Variants in LMBRD1 observed in about 807,000 individuals in gnomAD.
The protein encoded by LMBRD1 is LMBR1 domain containing 1, also known as lysosomal cobalamin transport escort protein LMBD1.
Under a neutral mutation model 74.8 loss-of-function variants are expected in LMBRD1, and 64 were observed. That is an observed-to-expected ratio of 0.86 (90% CI 0.70 to 1.05). The LOEUF (loss-of-function observed/expected upper bound fraction) is 1.05. Among genes scored for constraint, LMBRD1 ranks in the 50% least tolerant of loss-of-function variants. The pLI is 0.00. For missense variants in LMBRD1, 652 were observed against 645.9 expected (o/e 1.01, Z -0.10); for synonymous variants, 204 against 216.3 (o/e 0.94, Z 0.50).
At position 69,777,640 on chromosome 6, in the gene LMBRD1, C is replaced by T. The variant is rs557098721; in HGVS notation, c.307+2854G>A. On this transcript the variant is annotated intron_variant, in intron 3 of 15. Coordinates refer to ENST00000649934, the MANE Select transcript of LMBRD1 (RefSeq NM_018368.4). The stretch of plus-strand genomic sequence containing the variant: ...TTACTGACAAACTGATCTTCAACAT[C>T]TCTCCACATCAATATCTTCATCTGT... 9.2e-5 allele frequency among the ~76,000 whole-genome samples: 14 copies of T among 151,498 alleles called. No individual in the cohort carries two copies. The South Asian group carries it at 2.7e-3, about 29-fold the overall frequency.
At chr6:69,718,086 A>G (rs1766530812) in intron 8 of LMBRD1, among the ~76,000 whole-genome samples, 1 of 152,078 alleles carries the variant, frequency 6.6e-6, no homozygotes, top group South Asian at 2.1e-4. Context: ...TATCAGAATC[A>G]TACTAGCTTA....
At chr6:69,676,426 C>A in intron 15 of LMBRD1, 24 bp downstream of exon 15, 1 of 1,601,938 alleles carries the variant, frequency 6.2e-7, no homozygotes, top group South Asian at 1.1e-5. Context: ...AAGGTCAAAT[C>A]ACGCGTGGGA....
At chr6:69,793,811 C>T (rs1766146768) in intron 1 of LMBRD1, among the ~76,000 whole-genome samples, 1 of 151,388 alleles carries the variant, frequency 6.6e-6, no homozygotes, top group Non-Finnish European at 1.5e-5. Flanking sequence ...AAACCACCTC[C>T]TGGGCTCAAG....
intron 12 of LMBRD1, 65 bp downstream of exon 12, chr6:69,700,700 A>G: frequency 9.1e-7 from 1 of 1,102,910 alleles, no homozygotes; most frequent in Admixed American, 3.0e-5. Flanking sequence ...ATCTAAGATA[A>G]TTTGTAATTA....
At chr6:69,677,635 A>G (rs1024646486) in intron 14 of LMBRD1, among the ~76,000 whole-genome samples, 37 of 152,136 alleles carry the variant, frequency 2.4e-4, no homozygotes, top group African/African-American at 8.4e-4. Context: ...CTTATCCCCA[A>G]CACACTTTTC....
chr6:69,720,570 T>C (rs1321422066), intron 7 of LMBRD1, among the ~76,000 whole-genome samples: 1 of 152,162 alleles, frequency 6.6e-6, no homozygotes, highest in Non-Finnish European at 1.5e-5. Context: ...ATTTGGTATA[T>C]TTTGGTATAT....
rs1156403981 is a variant in LMBRD1 at position 69,700,783 on chromosome 6, T to C, written c.1170A>G (p.Ile390Met). ...TSMAGIRNIG[I>M]WFFWIRLYKI... ...TACTTACTCTAATCCAAAAGAACCA[T>C]ATGCCAATATTTCGAATTCCTGCCA... Residue 390 changes from isoleucine (I) to methionine (M), a missense_variant, in exon 12 of 16, where the codon ATA becomes ATG. Transcript: ENST00000649934. 17 of 1,518,918 alleles carry C rather than the reference T, an allele frequency of 1.1e-5. No homozygotes were observed. Among genetic ancestry groups the C allele is most frequent in the Middle Eastern group, 1.7e-4 (1 of 5,752 alleles). 94.1% of individuals were successfully genotyped at this position (1,518,918 alleles called of 1,614,324 possible).
intron 9 of LMBRD1, among the ~76,000 whole-genome samples, chr6:69,708,631 C>A (rs1766313606): frequency 1.4e-5 from 2 of 145,678 alleles, no homozygotes. Flanking sequence ...ATCACAAGAT[C>A]AACAGGCATC....
chr6:69,719,680 C>G (rs1460400248), intron 7 of LMBRD1, among the ~76,000 whole-genome samples: 1 of 152,040 alleles, frequency 6.6e-6, no homozygotes, highest in Non-Finnish European at 1.5e-5. Context: ...TCCCAAATGA[C>G]AGCTTTTTAA....
chr6:69,745,330 C>T (rs1767198788), intron 5 of LMBRD1, among the ~76,000 whole-genome samples: 1 of 149,652 alleles, frequency 6.7e-6, no homozygotes, highest in Admixed American at 6.7e-5. Context: ...GCAATCTCGG[C>T]TCACTGCAAG....
In LMBRD1 at chr6:69,697,616, T is replaced by C; in HGVS notation, c.1364A>G (p.Lys455Arg). 1 of 1,601,854 alleles carries C rather than the reference T, an allele frequency of 6.2e-7. No homozygotes were observed. The change falls in exon 14 of 16, where the codon AAA (lysine) becomes AGA (arginine). Residue 455 changes from lysine to arginine, a missense_variant. This residue lies in a region of LMBRD1 where 598 missense variants were observed against 581.8 expected (regional missense o/e 1.03). Coordinates refer to ENST00000649934, the MANE Select transcript of LMBRD1 (RefSeq NM_018368.4). ...IETNITSDNH[K>R]GNSTLSVPKR... ...TGGCACAGAAAGGGTTGAATTGCCT[T>C]TATGATTATCAGAAGTTATATTAGT...
chr6:69,685,086 G>A (rs925187511), intron 14 of LMBRD1, among the ~76,000 whole-genome samples: 2 of 151,892 alleles, frequency 1.3e-5, no homozygotes, highest in African/African-American at 2.4e-5. Context: ...ATAAGGTAAC[G>A]TTATAAAAAG....
At chr6:69,788,897 T>TA (rs1766019080) in intron 2 of LMBRD1, among the ~76,000 whole-genome samples, 1 of 152,202 alleles carries the variant, frequency 6.6e-6, no homozygotes, top group Non-Finnish European at 1.5e-5. Flanking sequence ...CTTCAGCACT[T>TA]ACAGGCTATG....
chr6:69,756,796 A>C (rs1765277402), intron 3 of LMBRD1, among the ~76,000 whole-genome samples: 1 of 152,200 alleles, frequency 6.6e-6, no homozygotes. Context: ...GGAAAGCAAG[A>C]ATTCTCCAAA....
intron 9 of LMBRD1, among the ~76,000 whole-genome samples, chr6:69,707,522 T>G (rs1766286456): frequency 6.6e-6 from 1 of 152,218 alleles, no homozygotes; most frequent in South Asian, 2.1e-4. Flanking sequence ...CATTGTTTCC[T>G]TATTGTTTCC....
intron 8 of LMBRD1, among the ~76,000 whole-genome samples, chr6:69,718,358 T>C (rs1766537294): frequency 6.6e-6 from 1 of 152,122 alleles, no homozygotes. Context: ...AAAACTTCTG[T>C]TTTTTAAGTG....
At chr6:69,713,832 T>C (rs747438571) in intron 8 of LMBRD1, 35 bp from the exon 9 acceptor site, 4 of 1,611,078 alleles carry the variant, frequency 2.5e-6, no homozygotes, top group Admixed American at 1.7e-5. Flanking sequence ...AGTTTTACCA[T>C]TAACATCTTA....
chr6:69,680,840 T>C (rs764154795), intron 14 of LMBRD1, among the ~76,000 whole-genome samples: 2 of 152,054 alleles, frequency 1.3e-5, no homozygotes, highest in Non-Finnish European at 2.9e-5. Flanking sequence ...CCTGAATAAA[T>C]GGAGGGGAGT....
chr6:69,774,123 G>A (rs941101812), intron 3 of LMBRD1, among the ~76,000 whole-genome samples: 3 of 152,178 alleles, frequency 2.0e-5, no homozygotes, highest in Admixed American at 6.5e-5. Flanking sequence ...GAAAGTAATG[G>A]AATCATGGGG....
Sources: allele counts gnomAD v4.1 joint callset (sites outside exome capture counted in the v4.1 genomes callset), GRCh38; gene constraint gnomAD v4.1.1; regional missense constraint gnomAD v4.1.1; transcripts MANE v1.5; gene names NCBI Gene and HGNC (gene_info 2026-07-23, HGNC 2026-07-21).